The following DAAM1 variants were observed in gnomAD, a reference collection of about 807,000 sequenced individuals.
The protein encoded by DAAM1 is dishevelled associated activator of morphogenesis 1, also known as disheveled-associated activator of morphogenesis 1.
In DAAM1, 52 loss-of-function variants were observed where a neutral mutation model predicts 130.0. The observed-to-expected ratio is 0.40, with a 90% CI of 0.32 to 0.50. The LOEUF (loss-of-function observed/expected upper bound fraction) is 0.50, where lower values mean the gene tolerates loss of function less well. DAAM1 is among the 20% of genes least tolerant of loss of function. The pLI, the probability that DAAM1 is intolerant of heterozygous loss-of-function variation, is 0.61. For missense variants in DAAM1, 1,134 were observed against 1,303.8 expected (o/e 0.87, Z 2.01); for synonymous variants, 452 against 444.5 (o/e 1.02, Z -0.21).
At chr14:59,198,481 G>A (rs888012107) in intron 1 of DAAM1, among the ~76,000 whole-genome samples, 2 of 151,872 alleles carry the variant, frequency 1.3e-5, no homozygotes, top group African/African-American at 4.8e-5. Context: ...CGCCTGCCTC[G>A]GCTTCCCAAA....
At chr14:59,280,291 C>T (rs916245377) in intron 2 of DAAM1, among the ~76,000 whole-genome samples, 28 of 152,110 alleles carry the variant, frequency 1.8e-4, no homozygotes, top group Non-Finnish European at 1.0e-4. Flanking sequence ...ATGCATTGGG[C>T]ATGTGCCATG....
Position 59,331,449 on chromosome 14 carries a change from A to G in DAAM1, c.1801A>G (p.Lys601Glu). 6.2e-7 allele frequency: 1 copy of G among 1,613,514 alleles called. No individual in the cohort carries two copies. Among genetic ancestry groups the G allele is most frequent in the Non-Finnish European group, 8.5e-7 (1 of 1,179,674 alleles). Residue 601 changes from lysine (K) to glutamate (E), a missense_variant, in exon 14 of 25, where the codon AAA becomes GAA. By Grantham distance (56) the Lys-to-Glu change is moderately conservative (BLOSUM62 1). Transcript: ENST00000360909. ...GAPMGLALKK[K>E]SIPQPTNALK... is the part of the protein sequence containing the mutation. ...TCCAATGGGCCTAGCACTGAAGAAG[A>G]AAAGCATTCCTCAGCCCACAAATGC...
At chr14:59,310,977 AAC>A (rs1884569267) in intron 3 of DAAM1, among the ~76,000 whole-genome samples, 1 of 151,670 alleles carries the variant, frequency 6.6e-6, no homozygotes, top group African/African-American at 2.4e-5. Context: ...AAACAAAAAA[AAC>A]AAACAAAAAA....
intron 1 of DAAM1, among the ~76,000 whole-genome samples, chr14:59,237,425 G>T (rs1297433085): frequency 6.6e-6 from 1 of 152,118 alleles, no homozygotes; most frequent in Admixed American, 6.6e-5. Flanking sequence ...AGTTGAAAAA[G>T]TGTATTTTGA....
At position 59,234,268 on chromosome 14, in the gene DAAM1, A is replaced by G. The variant is rs145378259; in HGVS notation, c.-37-29173A>G. ...GATTATTCCTATCCATGAGCATGGA[A>G]TGTTTTCCCTTTTGTTTGTGTCCTC... On this transcript the variant is annotated intron_variant, in intron 1 of 24. Transcript: ENST00000360909. Among the ~76,000 whole-genome samples the G allele has an allele frequency of 2.2e-3, 337 of 152,280 alleles. 1 individual carries two copies. The highest frequency in any genetic ancestry group is 7.6e-3 in the African/African-American group (316 of 41,542).
intron 2 of DAAM1, among the ~76,000 whole-genome samples, chr14:59,282,657 C>T (rs1018686247): frequency 2.0e-5 from 3 of 152,118 alleles, no homozygotes; most frequent in Non-Finnish European, 4.4e-5. Context: ...GACTCGAGTT[C>T]TTCCTCCACT....
chr14:59,352,463 G>A, intron 17 of DAAM1, 63 bp from the exon 18 acceptor site: 1 of 1,336,976 alleles, frequency 7.5e-7, no homozygotes, highest in East Asian at 2.5e-5. Flanking sequence ...CTGAAAGGGT[G>A]AAAAATTACT....
chr14:59,269,140 G>A (rs910010543), intron 2 of DAAM1, among the ~76,000 whole-genome samples: 1 of 152,228 alleles, frequency 6.6e-6, no homozygotes, highest in African/African-American at 2.4e-5. Flanking sequence ...TGATGATGTT[G>A]TGGAGCTGAA....
intron 15 of DAAM1, among the ~76,000 whole-genome samples, chr14:59,337,850 C>G (rs1885687066): frequency 1.4e-5 from 2 of 143,008 alleles, no homozygotes; most frequent in African/African-American, 2.4e-5. Context: ...ATATTACTGA[C>G]TTGAGTTGTT....
intron 3 of DAAM1, among the ~76,000 whole-genome samples, chr14:59,294,563 CA>C (rs1883877507): frequency 1.6e-5 from 2 of 125,118 alleles, no homozygotes; most frequent in African/African-American, 5.4e-5. Flanking sequence ...AATCCACTGT[CA>C]TTTTTTTTTT....
chr14:59,197,893 C>G (rs893428186), intron 1 of DAAM1, among the ~76,000 whole-genome samples: 3 of 152,144 alleles, frequency 2.0e-5, no homozygotes, highest in South Asian at 2.1e-4. Context: ...TGTCTTCCCC[C>G]CTTAACCCTC....
At chr14:59,268,670 A>T (rs1300039728) in intron 2 of DAAM1, among the ~76,000 whole-genome samples, 1 of 152,264 alleles carries the variant, frequency 6.6e-6, no homozygotes, top group African/African-American at 2.4e-5. Flanking sequence ...ATATTTACAA[A>T]TAAAACCTAA....
At position 59,325,653 on chromosome 14, in the gene DAAM1, T is replaced by C. The variant is rs183805497; in HGVS notation, c.990-11T>C. 4.1e-4 allele frequency: 668 copies of C among 1,613,020 alleles called. 6 individuals carry two copies. The African/African-American group carries it at 7.8e-3, about 19-fold the overall frequency. On this transcript the variant is annotated splice_polypyrimidine_tract_variant and intron_variant, in intron 8 of 24. Transcript: ENST00000360909. ...GTTCTACTTAATAACTTTTCTTTCA[T>C]TATTTTTCAGGCATTTAGACTTTTT...
rs192525392 is a variant in DAAM1, at chr14:59,338,211, C to T, written c.1969-1863C>T. ...TTAGTATTGTGCTCTTCATGGTATTCAGCCAAATTTTCTCATCTTCATCAA... is the reference window on the plus strand; with the variant it reads ...TTAGTATTGTGCTCTTCATGGTATTTAGCCAAATTTTCTCATCTTCATCAA... On this transcript the variant is annotated intron_variant, in intron 15 of 24. Transcript: ENST00000360909. Among the ~76,000 whole-genome samples, 281 of 152,282 alleles carry T rather than the reference C, an allele frequency of 1.8e-3. 1 individual carries two copies. The highest frequency in any genetic ancestry group is 3.2e-3 in the Non-Finnish European group (221 of 68,014).
intron 1 of DAAM1, among the ~76,000 whole-genome samples, chr14:59,240,315 C>T (rs1889437975): frequency 6.6e-6 from 1 of 152,148 alleles, no homozygotes; most frequent in African/African-American, 2.4e-5. Flanking sequence ...TGAAATGATG[C>T]TTGCTGAAGG....
chr14:59,363,921 T>C, intron 23 of DAAM1, 139 bp downstream of exon 23: 2 of 1,243,952 alleles, frequency 1.6e-6, no homozygotes, highest in East Asian at 4.8e-5. Context: ...AGTAGATAAT[T>C]ACTTTCCAGA....
intron 3 of DAAM1, among the ~76,000 whole-genome samples, chr14:59,309,114 G>A (rs1884478897): frequency 1.3e-5 from 2 of 152,176 alleles, no homozygotes; most frequent in Admixed American, 1.3e-4. Flanking sequence ...TTAAAGTTAG[G>A]TATTGGAGGG....
intron 1 of DAAM1, among the ~76,000 whole-genome samples, chr14:59,202,036 G>A (rs1388207426): frequency 6.6e-6 from 1 of 152,196 alleles, no homozygotes; most frequent in African/African-American, 2.4e-5. Context: ...GTAAAAGAAG[G>A]AAACAAACTA....
At chr14:59,255,957 T>A (rs1048423534) in intron 1 of DAAM1, among the ~76,000 whole-genome samples, 12 of 152,154 alleles carry the variant, frequency 7.9e-5, no homozygotes, top group Non-Finnish European at 1.8e-4. Flanking sequence ...CAGGAACTAA[T>A]TGTCCCTCCC....
Sources: gnomAD v4.1 joint callset for allele counts (sites outside exome capture counted in the v4.1 genomes callset) on GRCh38, gnomAD v4.1.1 for gene constraint, MANE v1.5 for transcripts, NCBI Gene and HGNC (gene_info 2026-07-23, HGNC 2026-07-21) for gene names.